The following NAV1 variants were observed in gnomAD, a reference collection of about 807,000 sequenced individuals.
NAV1 encodes the protein neuron navigator 1.
In NAV1, 18 loss-of-function variants were observed where a neutral mutation model predicts 175.2. That is an observed-to-expected ratio of 0.10 (90% confidence interval 0.07 to 0.15). The LOEUF (loss-of-function observed/expected upper bound fraction) is 0.15, where lower values mean the gene tolerates loss of function less well. NAV1 is among the 10% of genes least tolerant of loss of function. NAV1 has a pLI of 1.00. For missense variants in NAV1, 1,731 were observed against 2,436.6 expected, an observed-to-expected ratio of 0.71 and a Z score of 6.10; for synonymous variants, 897 against 978.7, an observed-to-expected ratio of 0.92 and a Z score of 1.56.
chr1:201,810,411 G>A lies in NAV1; in HGVS notation c.4562-112G>A. ...ACTCTTATGGAACCATGGGGCAAGT[G>A]GCTCTGAGTTTCTTCAGGGGGCTCC... is the stretch of plus-strand genomic sequence containing the variant. On this transcript the variant is annotated intron_variant, in intron 23 of 29. Coordinates refer to ENST00000367296, the Ensembl canonical transcript of NAV1. The surrounding 1 kb of genome is among the most constrained non-coding windows in gnomAD (Gnocchi z 6.0). The A allele has an allele frequency of 2.0e-6, 2 of 1,024,636 alleles. No homozygotes were observed. The highest frequency in any genetic ancestry group is 2.6e-5 in the East Asian group (1 of 38,224). The allele number at this position is 1,024,636 out of a possible 1,614,324, so 63.5% of individuals were successfully genotyped here.
chr1:201,776,072 A>G (rs575248475), intron 3 of NAV1, among the ~76,000 whole-genome samples: 2 of 152,254 alleles, frequency 1.3e-5, no homozygotes, highest in Admixed American at 1.3e-4. Flanking sequence ...ATACATATAC[A>G]TATATACAAT....
chr1:201,618,543 A>G (rs1249574628), upstream of NAV1, among the ~76,000 whole-genome samples: 1 of 152,080 alleles, frequency 6.6e-6, no homozygotes, highest in Non-Finnish European at 1.5e-5. Flanking sequence ...TGCTCCAATC[A>G]GAGCAAGGTC....
In NAV1 at chr1:201,678,490, C is replaced by T. The variant is rs144152296; in HGVS notation, c.757+29065C>T. ...TGAGGCACAGAGAAGGCAAGGACTCCGCTGGAAGTCACAGAGTTGATAATT... is the reference window on the plus strand; with the variant it reads ...TGAGGCACAGAGAAGGCAAGGACTCTGCTGGAAGTCACAGAGTTGATAATT... On this transcript the variant is annotated intron_variant, in intron 1 of 29. Coordinates refer to ENST00000367296, the Ensembl canonical transcript of NAV1. Among the ~76,000 whole-genome samples the T allele has an allele frequency of 2.9e-3, 441 of 152,276 alleles. 1 individual carries two copies. The highest frequency in any genetic ancestry group is 4.9e-3 in the Admixed American group (75 of 15,300).
In NAV1 at chr1:201,736,744, G is replaced by T. The variant is rs1488632631; in HGVS notation, c.1226+17989G>T. 2.0e-5 allele frequency among the ~76,000 whole-genome samples: 3 copies of T among 152,288 alleles called. No individual in the cohort carries two copies. In the South Asian group the frequency reaches 6.2e-4, roughly 32 times the overall value. On this transcript the variant is annotated intron_variant, in intron 3 of 29. Transcript: ENST00000367296. ...GGCACGGGAGACAAATGAGATCATG[G>T]CTCCTAAGGGCTTTTTGAAGAGAAG...
intron 3 of NAV1, among the ~76,000 whole-genome samples, chr1:201,736,797 G>A (rs539948308): frequency 1.3e-5 from 2 of 152,282 alleles, no homozygotes; most frequent in South Asian, 2.1e-4. Flanking sequence ...GGAAGCCTAT[G>A]TGAGATAGAC....
Position 201,665,090 on chromosome 1 carries a change from A to T in NAV1, c.757+15665A>T, listed in dbSNP as rs151171483. Among the ~76,000 whole-genome samples, 822 of 152,228 alleles carry T rather than the reference A, an allele frequency of 5.4e-3. 7 individuals are homozygous for T. The highest frequency in any genetic ancestry group is 9.4e-3 in the Non-Finnish European group (637 of 68,022). On this transcript the variant is annotated intron_variant, in intron 1 of 29. Transcript: ENST00000367296. The stretch of plus-strand genomic sequence containing the variant: ...TGCACGCTGTCTGCCTTAAATTTGC[A>T]TTTGATTAAGAAGCACCAGCGTCCT...
chr1:201,794,619 GAAAGT>G, intron 15 of NAV1, 42 bp downstream of exon 19: 1 of 1,533,556 alleles, frequency 6.5e-7, no homozygotes, highest in Non-Finnish European at 9.0e-7. Context: ...CAGGGAGCAG[GAAAGT>G]AAGAGTATTA....
chr1:201,819,991 T>C lies in NAV1; in HGVS notation c.*59T>C, dbSNP rs984841390. On this transcript the variant is annotated 3_prime_UTR_variant, in exon 30 of 30. Transcript: ENST00000367296. ...GAACGCTGGCATCAGCTATCTTAGCTCCTCCTCTCCCCTCTCCTCTTTCAG... is the reference window on the plus strand; with the variant it reads ...GAACGCTGGCATCAGCTATCTTAGCCCCTCCTCTCCCCTCTCCTCTTTCAG... 1.6e-5 allele frequency: 23 copies of C among 1,475,004 alleles called. No individual in the cohort carries two copies. In the African/African-American group the frequency reaches 3.2e-4, roughly 20 times the overall value. 91.4% of individuals were successfully genotyped at this position (1,475,004 alleles called of 1,614,324 possible).
At chr1:201,623,186 A>T in exon 1 of NAV1, 2 of 985,992 alleles carry the variant, frequency 2.0e-6, no homozygotes, top group Non-Finnish European at 1.2e-6. Context: ...TCCCCATGGA[A>T]TAGTCCCAGG....
chr1:201,548,707 C>T (rs927136389), intron 1 of NAV1, among the ~76,000 whole-genome samples: 1 of 152,088 alleles, frequency 6.6e-6, no homozygotes, highest in Non-Finnish European at 1.5e-5. Context: ...AAACAAGAAA[C>T]CAAATTTTAA....
chr1:201,703,775 C>G (rs545553785), intron 1 of NAV1, among the ~76,000 whole-genome samples: 1 of 152,208 alleles, frequency 6.6e-6, no homozygotes, highest in Non-Finnish European at 1.5e-5. Context: ...TGGGGCTGCC[C>G]TGTGGTCACT....
At chr1:201,711,735 C>T (rs1671916070) in intron 1 of NAV1, among the ~76,000 whole-genome samples, 2 of 152,204 alleles carry the variant, frequency 1.3e-5, no homozygotes, top group South Asian at 4.1e-4. Context: ...CCATTCATGA[C>T]TTTAGGTTCC....
intron 3 of NAV1, among the ~76,000 whole-genome samples, chr1:201,770,501 A>G (rs1321877477): frequency 6.6e-6 from 1 of 151,906 alleles, no homozygotes; most frequent in African/African-American, 2.4e-5. Context: ...CATCTTAACA[A>G]CAAGGCTAAG....
intron 3 of NAV1, among the ~76,000 whole-genome samples, chr1:201,736,394 C>G (rs997900177): frequency 6.6e-6 from 1 of 152,138 alleles, no homozygotes; most frequent in Non-Finnish European, 1.5e-5. Flanking sequence ...AAGTCTTTCC[C>G]TTTTTTTCTT....
intron 1 of NAV1, among the ~76,000 whole-genome samples, chr1:201,624,338 T>A (rs1453113356): frequency 8.4e-6 from 1 of 118,424 alleles, no homozygotes; most frequent in African/African-American, 3.5e-5. Flanking sequence ...CAACTACGCT[T>A]TTTTTTTTTT....
rs1385138481 is a variant in NAV1, at chr1:201,539,215, G to C, written c.-271G>C. On this transcript the variant is annotated 5_prime_UTR_variant, in exon 1 of 34. Transcript: ENST00000685211. The surrounding 1 kb of genome is among the most constrained non-coding windows in gnomAD (Gnocchi z 5.6). ...GCCAAGCCTGGTGCGAGGGGCCGAG[G>C]CGGCCTGGGGAGCCCCGGGAAACTT... Among the ~76,000 whole-genome samples the C allele has an allele frequency of 6.6e-6, 1 of 152,198 alleles. No homozygotes were observed. Among genetic ancestry groups the C allele is most frequent in the Non-Finnish European group, 1.5e-5 (1 of 68,026 alleles).
At chr1:201,820,678 A>C (rs1223446157) in exon 30 of NAV1, 1 of 152,354 alleles carries the variant, frequency 6.6e-6, no homozygotes, top group East Asian at 1.9e-4. Context: ...TACAGCCTTC[A>C]GGGAAAGACT....
In NAV1 at chr1:201,813,689, CA is replaced by C. The variant is rs568409135; in HGVS notation, c.5340+432del. Among the ~76,000 whole-genome samples the C allele has an allele frequency of 1.9e-3, 284 of 150,488 alleles. 2 individuals carry two copies. The highest frequency in any genetic ancestry group is 6.6e-3 in the African/African-American group (273 of 41,196). ...CTCATATGTAAAAAAAAAAAGGAGA[CA>C]TCACCTTCTGCTCTACCTAAATCAC... On this transcript the variant is annotated intron_variant, in intron 28 of 29. Coordinates refer to ENST00000367296, the Ensembl canonical transcript of NAV1. The surrounding 1 kb of genome is among the most constrained non-coding windows in gnomAD (Gnocchi z 4.2).
intron 15 of NAV1, among the ~76,000 whole-genome samples, chr1:201,799,096 AAAG>A (rs1677666071): frequency 6.6e-6 from 1 of 152,144 alleles, no homozygotes; most frequent in African/African-American, 2.4e-5. Context: ...AAAAAAGAAA[AAAG>A]AAAAGAAAGA....
Sources: allele counts gnomAD v4.1 joint callset (sites outside exome capture counted in the v4.1 genomes callset), GRCh38; gene constraint gnomAD v4.1.1; non-coding constraint Gnocchi (gnomAD v3.1); transcripts MANE v1.5; gene names NCBI Gene and HGNC (gene_info 2026-07-23, HGNC 2026-07-21).